ALK: variants seen among roughly 807,000 people sequenced by gnomAD.
ALK encodes ALK receptor tyrosine kinase.
Under a neutral mutation model 163.1 loss-of-function variants are expected in ALK, and 74 were observed. The ratio of observed to expected loss-of-function variants is 0.45; its 90% CI spans 0.38 to 0.55. ALK has a LOEUF of 0.55. Among genes scored for constraint, ALK ranks in the 20% least tolerant of loss-of-function variants. The pLI is 0.00. For synonymous variants in ALK, 960 were observed against 843.2 expected, an observed-to-expected ratio of 1.14 and a Z score of -2.40; for missense variants, 2,063 against 2,105.3, an observed-to-expected ratio of 0.98 and a Z score of 0.39.
chr2:29,207,019 C>G (rs1669328869), intron 26 of ALK, 152 bp downstream of exon 26: 1 of 694,898 alleles, frequency 1.4e-6, no homozygotes, highest in Admixed American at 2.1e-5. Context: ...GATAGATGCT[C>G]ACGTTTGAGA....
rs142564933 is a variant in ALK, at chr2:29,774,168, A to T, written c.668-56471T>A. Among the ~76,000 whole-genome samples, 17 of 152,308 alleles carry T rather than the reference A, an allele frequency of 1.1e-4. No individual in the cohort carries two copies. In the East Asian group the frequency reaches 3.1e-3, roughly 28 times the overall value. On this transcript the variant is annotated intron_variant, in intron 1 of 28. Coordinates refer to ENST00000389048, the MANE Select transcript of ALK (RefSeq NM_004304.5). ...CAAACAGGATGCTTAATTAGTGCTC[A>T]TTAAATTTTTACAAATGACTGTCAG...
chr2:29,865,021 C>T (rs1253002671), intron 1 of ALK, among the ~76,000 whole-genome samples: 2 of 152,234 alleles, frequency 1.3e-5, no homozygotes, highest in African/African-American at 2.4e-5. Flanking sequence ...TGGCCTGATG[C>T]TACTGAGTTC....
chr2:29,281,990 G>T (rs927961339), intron 9 of ALK, among the ~76,000 whole-genome samples: 4 of 152,216 alleles, frequency 2.6e-5, no homozygotes, highest in Non-Finnish European at 2.9e-5. Context: ...AGAAAGGTTT[G>T]TGTCTGATGT....
chr2:29,578,075 A>G (rs1023981350), intron 3 of ALK, among the ~76,000 whole-genome samples: 3 of 152,050 alleles, frequency 2.0e-5, no homozygotes, highest in African/African-American at 7.2e-5. Flanking sequence ...TTGAATTCCC[A>G]CGTGTTATGG....
intron 4 of ALK, among the ~76,000 whole-genome samples, chr2:29,461,340 A>G (rs533544175): frequency 4.6e-5 from 7 of 152,228 alleles, no homozygotes; most frequent in Non-Finnish European, 7.3e-5. Flanking sequence ...CAGATTTTCA[A>G]TATAGATTAA....
intron 3 of ALK, among the ~76,000 whole-genome samples, chr2:29,674,160 C>G (rs1353008697): frequency 6.6e-6 from 1 of 151,502 alleles, no homozygotes; most frequent in Non-Finnish European, 1.5e-5. Context: ...ATTGAATACC[C>G]TTTATTTCCT....
At chr2:29,375,417 C>T (rs1668731373) in intron 5 of ALK, among the ~76,000 whole-genome samples, 1 of 152,158 alleles carries the variant, frequency 6.6e-6, no homozygotes, top group Non-Finnish European at 1.5e-5. Flanking sequence ...CTCCCAGGTT[C>T]ATGCCATTCT....
intron 4 of ALK, among the ~76,000 whole-genome samples, chr2:29,432,376 TC>T (rs936819116): frequency 2.6e-5 from 4 of 151,970 alleles, no homozygotes; most frequent in Admixed American, 1.3e-4. Context: ...ATACGCAGGC[TC>T]CCCCGCCCCT....
At chr2:29,719,444 T>C (rs190452956) in intron 1 of ALK, among the ~76,000 whole-genome samples, 163 of 152,320 alleles carry the variant, frequency 1.1e-3, no homozygotes, top group Non-Finnish European at 1.7e-3. Flanking sequence ...GTTTCGTAGA[T>C]AGGCAATGGG....
chr2:29,537,693 A>G (rs1673298394), intron 3 of ALK, among the ~76,000 whole-genome samples: 1 of 152,212 alleles, frequency 6.6e-6, no homozygotes, highest in Non-Finnish European at 1.5e-5. Flanking sequence ...CAAGAATGGT[A>G]GAGACACTGG....
At chr2:29,385,383 T>G (rs1669008642) in intron 4 of ALK, among the ~76,000 whole-genome samples, 1 of 46,180 alleles carries the variant, frequency 2.2e-5, no homozygotes, top group South Asian at 4.7e-4. Flanking sequence ...TGTCAGGTTG[T>G]TTTTTTTTTT....
rs536586966 is a variant in ALK, at chr2:29,879,711, G to A, written c.667+40282C>T. ...AGAGTGATTGTTCCTAAGAAACAAA[G>A]AGGACGTGCCCACTTATGAAAGGGA... On this transcript the variant is annotated intron_variant, in intron 1 of 28. Transcript: ENST00000389048. Among the ~76,000 whole-genome samples the A allele has an allele frequency of 2.0e-3, 303 of 152,308 alleles. 1 individual carries two copies. The highest frequency in any genetic ancestry group is 2.6e-3 in the Non-Finnish European group (180 of 68,024).
At chr2:29,732,750 T>A (rs1573591674) in intron 1 of ALK, among the ~76,000 whole-genome samples, 1 of 152,268 alleles carries the variant, frequency 6.6e-6, no homozygotes, top group Middle Eastern at 3.4e-3. Context: ...CCTTCCACCA[T>A]GTGAGGACAC....
chr2:29,756,676 A>G (rs143647502), intron 1 of ALK, among the ~76,000 whole-genome samples: 3,330 of 152,008 alleles, frequency 0.022, 61 homozygotes, highest in South Asian at 0.051. Flanking sequence ...ACAGGCACGC[A>G]CCACCACGAC....
At chr2:29,881,502 A>G (rs1453202439) in intron 1 of ALK, among the ~76,000 whole-genome samples, 2 of 152,158 alleles carry the variant, frequency 1.3e-5, no homozygotes, top group Non-Finnish European at 2.9e-5. Flanking sequence ...GCATGGTGGC[A>G]TTGTCAGGCA....
intron 3 of ALK, among the ~76,000 whole-genome samples, chr2:29,658,206 CTCAAA>C (rs1303789631): frequency 6.6e-6 from 1 of 152,150 alleles, no homozygotes; most frequent in African/African-American, 2.4e-5. Flanking sequence ...TTGTGTAGCA[CTCAAA>C]TGAGAGCAGT....
chr2:29,373,427 T>C (rs1301014810), intron 5 of ALK, among the ~76,000 whole-genome samples: 1 of 152,244 alleles, frequency 6.6e-6, no homozygotes, highest in Non-Finnish European at 1.5e-5. Context: ...GTGTGATTAA[T>C]CTTTTCAATT....
At chr2:29,521,885 G>T (rs576930790) in intron 4 of ALK, among the ~76,000 whole-genome samples, 2 of 152,178 alleles carry the variant, frequency 1.3e-5, no homozygotes, top group African/African-American at 4.8e-5. Context: ...GCGGAGGCCA[G>T]CCTTTCTGGA....
At chr2:29,805,159 T>G (rs1047790443) in intron 1 of ALK, among the ~76,000 whole-genome samples, 1 of 152,210 alleles carries the variant, frequency 6.6e-6, no homozygotes, top group African/African-American at 2.4e-5. Flanking sequence ...AGAACAGTCA[T>G]AGTGCCCACC....
Sources: gnomAD v4.1 joint callset for allele counts (sites outside exome capture counted in the v4.1 genomes callset) on GRCh38, gnomAD v4.1.1 for gene constraint, MANE v1.5 for transcripts, NCBI Gene and HGNC (gene_info 2026-07-23, HGNC 2026-07-21) for gene names.